KIF5B: variants seen among roughly 807,000 people sequenced by gnomAD.
KIF5B encodes the protein kinesin-1 heavy chain.
In KIF5B, 49 loss-of-function variants were observed where a neutral mutation model predicts 132.8. The ratio of observed to expected loss-of-function variants is 0.37; its 90% CI spans 0.29 to 0.47. KIF5B has a LOEUF of 0.47. Among genes scored for constraint, KIF5B ranks in the 20% least tolerant of loss-of-function variants. The pLI is 1.00. For synonymous variants in KIF5B, 355 were observed against 369.4 expected (o/e 0.96, Z 0.45); for missense variants, 780 against 1,144.0 (o/e 0.68, Z 4.59).
At chr10:32,030,182 T>C (rs211361) in intron 14 of KIF5B, among the ~76,000 whole-genome samples, 30,441 of 152,106 alleles carry the variant, frequency 0.2, 3,297 homozygotes, top group Non-Finnish European at 0.25. Context: ...TTGTTGGAGG[T>C]TGGCGATGTC....
intron 11 of KIF5B, 27 bp from the exon 12 acceptor site, chr10:32,034,065 T>C (rs554750461): frequency 2.2e-6 from 3 of 1,394,778 alleles, no homozygotes; most frequent in South Asian, 1.4e-5. Context: ...AAGTGGTTAA[T>C]AAAAAAACGA....
intron 8 of KIF5B, among the ~76,000 whole-genome samples, chr10:32,036,513 G>A (rs892469655): frequency 3.3e-5 from 5 of 151,836 alleles, no homozygotes; most frequent in African/African-American, 1.2e-4. Context: ...TCCGCTTCCC[G>A]GGTTCAACCA....
chr10:32,038,109 T>C, intron 6 of KIF5B, 54 bp downstream of exon 6: 2 of 965,498 alleles, frequency 2.1e-6, no homozygotes, highest in Non-Finnish European at 1.5e-6. Flanking sequence ...GACTCTGTCT[T>C]AAAAAAAAAA....
rs897046963 is a variant in KIF5B at position 32,009,289 on chromosome 10, T to C, written c.*2248A>G. ...ATGAATAAATATTCTCTTTATTTCA[T>C]TGAGTTTCTCTTCTGAACCATCTAT... On this transcript the variant is annotated 3_prime_UTR_variant, in exon 26 of 26. Coordinates refer to ENST00000302418, the MANE Select transcript of KIF5B (RefSeq NM_004521.3). 7.2e-5 allele frequency: 11 copies of C among 152,210 alleles called. No homozygotes were observed. Among genetic ancestry groups the C allele is most frequent in the African/African-American group, 1.7e-4 (7 of 41,448 alleles). The allele number at this position is 152,210 out of a possible 1,614,324, so 9.4% of individuals were successfully genotyped here.
chr10:32,045,395 T>A (rs1216534967), intron 2 of KIF5B, among the ~76,000 whole-genome samples: 1 of 152,224 alleles, frequency 6.6e-6, no homozygotes, highest in Non-Finnish European at 1.5e-5. Context: ...GTACTTCTAT[T>A]TACTACCATC....
rs1416314400 is a variant in KIF5B, at chr10:32,040,431, T to C, written c.241A>G (p.Ile81Val). ...GAGGATGTTTGTCCATATGCAAATA[T>C]TGTTCCATTATATCCTTCAAGTACA... ...KDVLEGYNGT[I>V]FAYGQTSSGK... Residue 81 changes from isoleucine to valine, a missense_variant, in exon 3 of 26, where the codon ATA becomes GTA. Physicochemically the swap from Ile to Val is conservative, Grantham distance 29 (BLOSUM62 3). This residue lies in a region of KIF5B where 15 missense variants were observed against 48.5 expected (regional missense o/e 0.31). Coordinates refer to ENST00000302418, the MANE Select transcript of KIF5B (RefSeq NM_004521.3). 9 of 1,599,512 alleles carry C rather than the reference T, an allele frequency of 5.6e-6. No individual in the cohort carries two copies. The highest frequency in any genetic ancestry group is 3.3e-5 in the South Asian group (3 of 90,764).
At position 32,022,928 on chromosome 10, in the gene KIF5B, C is replaced by T. The variant is rs1185770860; in HGVS notation, c.1834G>A (p.Glu612Lys). ...KTMVKRCKQL[E>K]STQTESNKKM... Reference sequence around the variant, plus strand: ...TTGTTGCTCTCAGTTTGTGTGCTTTCTAACTGCTTGCAACGTTTCACCATG... The same window carrying T: ...TTGTTGCTCTCAGTTTGTGTGCTTTTTAACTGCTTGCAACGTTTCACCATG... Residue 612 changes from glutamate to lysine, a missense_variant, in exon 16 of 26, where the codon GAA becomes AAA. Glu to Lys is a moderately conservative substitution (Grantham distance 56). Around this residue, in one of 9 missense-constraint regions of KIF5B, gnomAD observed 471 missense variants for 569.9 expected, o/e 0.83. Transcript: ENST00000302418. 2 of 1,613,582 alleles carry T rather than the reference C, an allele frequency of 1.2e-6. No homozygotes were observed. Among genetic ancestry groups the T allele is most frequent in the Non-Finnish European group, 1.7e-6 (2 of 1,179,686 alleles).
intron 1 of KIF5B, among the ~76,000 whole-genome samples, chr10:32,050,064 T>A (rs1393486779): frequency 6.6e-6 from 1 of 152,018 alleles, no homozygotes; most frequent in East Asian, 1.9e-4. Flanking sequence ...ATCTGCCTGC[T>A]CTCTAGTTTC....
chr10:32,047,702 C>G (rs1327392395), intron 2 of KIF5B, among the ~76,000 whole-genome samples: 1 of 152,186 alleles, frequency 6.6e-6, no homozygotes, highest in Non-Finnish European at 1.5e-5. Context: ...TGCTCCTATG[C>G]TATCCTAATC....
At chr10:32,043,535 CAG>C (rs1306664728) in intron 2 of KIF5B, among the ~76,000 whole-genome samples, 3 of 152,218 alleles carry the variant, frequency 2.0e-5, no homozygotes, top group African/African-American at 7.2e-5. Context: ...AATACAGCGG[CAG>C]AGAGTTCAGG....
At chr10:32,043,105 G>C (rs769014904) in intron 2 of KIF5B, among the ~76,000 whole-genome samples, 1 of 152,118 alleles carries the variant, frequency 6.6e-6, no homozygotes, top group Non-Finnish European at 1.5e-5. Context: ...CCAGGTTCAA[G>C]CAATTCTCGT....
In KIF5B at chr10:32,038,237, T is replaced by A. The variant is rs772581106; in HGVS notation, c.443-19A>T. 36 of 1,577,442 alleles carry A rather than the reference T, an allele frequency of 2.3e-5. 1 individual carries two copies. In the Admixed American group the frequency reaches 6.1e-4, roughly 27 times the overall value. On this transcript the variant is annotated intron_variant, in intron 5 of 25. Transcript: ENST00000302418. The stretch of plus-strand genomic sequence containing the variant: ...TTTGAAACTGAGAAAGAAAAACAAA[T>A]GTTAGCAACATTCTCCTAAAACTCT...
At chr10:32,031,426 A>G (rs950099484) in intron 13 of KIF5B, 147 bp from the exon 14 acceptor site, 14 of 658,636 alleles carry the variant, frequency 2.1e-5, no homozygotes, top group Middle Eastern at 4.1e-4. Flanking sequence ...CAGATTTACT[A>G]AATGTCAACT....
chr10:32,030,387 G>A (rs1294064784), intron 14 of KIF5B, among the ~76,000 whole-genome samples: 4 of 151,920 alleles, frequency 2.6e-5, no homozygotes, highest in Non-Finnish European at 5.9e-5. Context: ...GTGGTGGCGG[G>A]CGCCTGTAAT....
chr10:32,020,323 A>G (rs1841241629), intron 19 of KIF5B, among the ~76,000 whole-genome samples: 1 of 152,092 alleles, frequency 6.6e-6, no homozygotes, highest in Non-Finnish European at 1.5e-5. Context: ...AACTCTATGT[A>G]TGTGCACATG....
chr10:32,053,044 T>A (rs952615584), intron 1 of KIF5B, among the ~76,000 whole-genome samples: 7 of 152,264 alleles, frequency 4.6e-5, no homozygotes, highest in African/African-American at 1.7e-4. Flanking sequence ...ATTCTTTCAA[T>A]TTTGATCTAA....
intron 25 of KIF5B, among the ~76,000 whole-genome samples, chr10:32,014,791 C>T (rs578012513): frequency 1.3e-4 from 20 of 152,096 alleles, no homozygotes; most frequent in Non-Finnish European, 1.9e-4. Context: ...TTTCTGGGAA[C>T]CTTCTGGAAA....
chr10:32,049,482 T>TA (rs1841660508), intron 1 of KIF5B, among the ~76,000 whole-genome samples: 1 of 152,160 alleles, frequency 6.6e-6, no homozygotes, highest in African/African-American at 2.4e-5. Context: ...GAAAGTAGTC[T>TA]AGGCACTGGG....
At chr10:32,022,672 T>C (rs1167994816) in intron 16 of KIF5B, among the ~76,000 whole-genome samples, 176 bp downstream of exon 16, 2 of 152,156 alleles carry the variant, frequency 1.3e-5, no homozygotes, top group Non-Finnish European at 2.9e-5. Flanking sequence ...ACATAACCCA[T>C]ATTTATGTTA....
Sources: allele counts gnomAD v4.1 joint callset (sites outside exome capture counted in the v4.1 genomes callset), GRCh38; gene constraint gnomAD v4.1.1; regional missense constraint gnomAD v4.1.1; transcripts MANE v1.5; gene names NCBI Gene and HGNC (gene_info 2026-07-23, HGNC 2026-07-21).